Variants in FAT4 observed in about 807,000 individuals in gnomAD.
The protein encoded by FAT4 is FAT atypical cadherin 4.
In FAT4, 84 loss-of-function variants were observed where a neutral mutation model predicts 303.9. The observed-to-expected ratio is 0.28, with a 90% CI of 0.23 to 0.33. The LOEUF (loss-of-function observed/expected upper bound fraction) is 0.33. Ranked by LOEUF, FAT4 falls within the 10% of genes least tolerant of loss-of-function variation. The pLI is 1.00. For missense variants in FAT4, 6,005 were observed against 6,146.8 expected (o/e 0.98, Z 0.77); for synonymous variants, 2,307 against 2,298.8 (o/e 1.00, Z -0.10).
In FAT4 at chr4:125,406,995, C is replaced by A; in HGVS notation, c.5423C>A (p.Ser1808Tyr). Reference protein sequence around the residue: ...ATRRLDRERRSKYSLLVRADD... With the variant: ...ATRRLDRERRYKYSLLVRADD... Reference sequence around the variant, plus strand: ...AGGCGGTTGGACAGGGAACGCCGCTCCAAATATTCACTGCTAGTTCGTGCT... The same window carrying A: ...AGGCGGTTGGACAGGGAACGCCGCTACAAATATTCACTGCTAGTTCGTGCT... The change falls in exon 4 of 18, where the codon TCC becomes TAC. Residue 1808 changes from serine to tyrosine, a missense_variant. By Grantham distance (144) the Ser-to-Tyr change is moderately radical. Transcript: ENST00000394329. The A allele has an allele frequency of 6.2e-7, 1 of 1,613,816 alleles. No individual in the cohort carries two copies. Among genetic ancestry groups the A allele is most frequent in the Non-Finnish European group, 8.5e-7 (1 of 1,179,872 alleles).
At chr4:125,350,199 T>C (rs1361185961) in intron 2 of FAT4, among the ~76,000 whole-genome samples, 1 of 148,792 alleles carries the variant, frequency 6.7e-6, no homozygotes, top group East Asian at 1.9e-4. Context: ...GCCAGTTGGA[T>C]GCCAAAGTAA....
chr4:125,324,055 C>T (rs1199726456), intron 2 of FAT4, among the ~76,000 whole-genome samples: 1 of 152,154 alleles, frequency 6.6e-6, no homozygotes, highest in African/African-American at 2.4e-5. Context: ...TACACCTTTA[C>T]TTACGCTACT....
chr4:125,451,297 T>C lies in FAT4; in HGVS notation c.10287T>C (p.Ser3429=). ...TAGGAACTCATGTGACCTTTGTCAGTGCCTTTGACTCAGACTCCATCCCCA... is the reference window on the plus strand; with the variant it reads ...TAGGAACTCATGTGACCTTTGTCAGCGCCTTTGACTCAGACTCCATCCCCA... ...VPIGTHVTFV[S]AFDSDSIPSW... The change falls in exon 10 of 18, where the codon AGT becomes AGC. Residue 3429 remains serine (S), a synonymous_variant. Coordinates refer to ENST00000394329, the MANE Select transcript of FAT4 (RefSeq NM_001291303.3). The C allele has an allele frequency of 6.2e-7, 1 of 1,614,162 alleles. No individual in the cohort carries two copies. Among genetic ancestry groups the C allele is most frequent in the Non-Finnish European group, 8.5e-7 (1 of 1,180,014 alleles).
At chr4:125,381,110 A>T (rs924492704) in intron 2 of FAT4, among the ~76,000 whole-genome samples, 1 of 152,232 alleles carries the variant, frequency 6.6e-6, no homozygotes, top group Admixed American at 6.5e-5. Flanking sequence ...CATTCTTAGT[A>T]TTAACTGCAG....
At position 125,317,698 on chromosome 4, in the gene FAT4, G is replaced by A. The variant is rs1346387566; in HGVS notation, c.1287G>A (p.Glu429=). 4 of 1,614,096 alleles carry A rather than the reference G, an allele frequency of 2.5e-6. No homozygotes were observed. In the Admixed American group the frequency reaches 6.7e-5, roughly 27 times the overall value. The change falls in exon 2 of 18, where the codon GAG becomes GAA. Residue 429 remains glutamate, a synonymous_variant. Transcript: ENST00000394329. The surrounding 1 kb of genome is among the most constrained non-coding windows in gnomAD (Gnocchi z 7.0). ...AGGTGGCCAGCGCCTTGGACCGCGA[G>A]CGCATCCCTTCCTACAACCTCACAG... is the stretch of plus-strand genomic sequence containing the variant. ...LIKVASALDR[E]RIPSYNLTVS...
chr4:125,325,919 G>C (rs918127741), intron 2 of FAT4, among the ~76,000 whole-genome samples: 1 of 152,080 alleles, frequency 6.6e-6, no homozygotes, highest in African/African-American at 2.4e-5. Flanking sequence ...AGTGAACAAA[G>C]GCAGAGGATG....
intron 2 of FAT4, 48 bp downstream of exon 2, chr4:125,321,634 A>C (rs1730957988): frequency 2.7e-6 from 4 of 1,507,508 alleles, no homozygotes; most frequent in Non-Finnish European, 3.6e-6. Flanking sequence ...CTTTTTAGAA[A>C]AATCATTCTC....
rs1734984166 is a variant in FAT4, at chr4:125,414,942, T to A, written c.5979T>A (p.Thr1993=). Residue 1993 remains threonine, a synonymous_variant, in exon 6 of 18, where the codon ACT becomes ACA. Coordinates refer to ENST00000394329, the MANE Select transcript of FAT4 (RefSeq NM_001291303.3). ...CAGGTGATAGCCTTGGGCAGTTTACTGTTGACAAGAATGGTGTACTCAAAG... is the reference window on the plus strand; with the variant it reads ...CAGGTGATAGCCTTGGGCAGTTTACAGTTGACAAGAATGGTGTACTCAAAG... ...IASGDSLGQF[T]VDKNGVLKVL... The A allele has an allele frequency of 1.2e-6, 2 of 1,613,570 alleles. No individual in the cohort carries two copies. Among genetic ancestry groups the A allele is most frequent in the Admixed American group, 1.7e-5 (1 of 59,986 alleles).
rs113373843 is a variant in FAT4, at chr4:125,409,439, A to G, written c.5920+645A>G. Reference sequence around the variant, plus strand: ...GCCTGGCTAATTTTGTATTTTTAGTAGAGACGGGGTTTCTCCATGTTGGTC... The same window carrying G: ...GCCTGGCTAATTTTGTATTTTTAGTGGAGACGGGGTTTCTCCATGTTGGTC... On this transcript the variant is annotated intron_variant, in intron 5 of 17. Transcript: ENST00000394329. Among the ~76,000 whole-genome samples the G allele has an allele frequency of 3.1e-3, 473 of 152,162 alleles. 2 individuals are homozygous for G. The highest frequency in any genetic ancestry group is 5.0e-3 in the Non-Finnish European group (337 of 68,002).
chr4:125,467,437 C>CATGG (rs1726705134), intron 11 of FAT4, among the ~76,000 whole-genome samples: 1 of 152,162 alleles, frequency 6.6e-6, no homozygotes, highest in South Asian at 2.1e-4. Context: ...GAGGTATTGG[C>CATGG]ATGGGTTAAT....
intron 8 of FAT4, 27 bp downstream of exon 8, chr4:125,434,452 T>C: frequency 1.2e-6 from 2 of 1,605,864 alleles, no homozygotes; most frequent in Admixed American, 1.7e-5. Context: ...TTGTAAAGTT[T>C]GTCTGTTTTC....
intron 2 of FAT4, among the ~76,000 whole-genome samples, chr4:125,396,017 A>G (rs1435158028): frequency 6.6e-6 from 1 of 152,182 alleles, no homozygotes; most frequent in Non-Finnish European, 1.5e-5. Context: ...TAAGTGATCC[A>G]GATTCCAGAT....
At chr4:125,462,072 TA>T (rs765895414) in intron 10 of FAT4, among the ~76,000 whole-genome samples, 3 of 151,948 alleles carry the variant, frequency 2.0e-5, no homozygotes, top group Non-Finnish European at 4.4e-5. Flanking sequence ...TGTTTTGCCT[TA>T]TAAGGAGGTT....
In FAT4 at chr4:125,471,895, C is replaced by CAAAAAAAAAAAAAA. The variant is rs60730341; in HGVS notation, c.12213+3095_12213+3108dup. ...TGAAACCCTGTCTCTACTAAAAATACAAAAAAAAAAAAAAAAAAAAAAAAA... is the reference window on the plus strand; with the variant it reads ...TGAAACCCTGTCTCTACTAAAAATACAAAAAAAAAAAAAAAAAAAAAAAAAAAAAAAAAAAAAAA... On this transcript the variant is annotated intron_variant, in intron 12 of 17. Transcript: ENST00000394329. 1.6e-3 allele frequency among the ~76,000 whole-genome samples: 90 copies of CAAAAAAAAAAAAAA among 56,120 alleles called. 9 individuals carry two copies. The highest frequency in any genetic ancestry group is 2.3e-3 in the South Asian group (2 of 872). The allele number at this position is 56,120 out of a possible 152,430, so 36.8% of individuals were successfully genotyped here. A position where few individuals can be genotyped will look rare whatever the true frequency, so the allele number is the denominator to read the frequency against.
At chr4:125,431,041 G>A (rs766828051) in intron 7 of FAT4, among the ~76,000 whole-genome samples, 1 of 109,454 alleles carries the variant, frequency 9.1e-6, no homozygotes, top group Admixed American at 9.5e-5. Flanking sequence ...CTACAGTAAT[G>A]TATCAACAGT....
chr4:125,416,736 G>A (rs1203814780), intron 7 of FAT4, 114 bp downstream of exon 7: 17 of 988,278 alleles, frequency 1.7e-5, no homozygotes, highest in Admixed American at 4.4e-5. Context: ...ACTTGAGGTC[G>A]GGAGTTCAAG....
At position 125,318,239 on chromosome 4, in the gene FAT4, G is replaced by A. The variant is rs374235705; in HGVS notation, c.1828G>A (p.Gly610Arg). 1.7e-5 allele frequency: 28 copies of A among 1,614,186 alleles called. No homozygotes were observed. The highest frequency in any genetic ancestry group is 9.9e-5 in the South Asian group (9 of 91,080). The change falls in exon 2 of 18, where the codon GGG (glycine) becomes AGG (arginine). Residue 610 changes from glycine (G) to arginine (R), a missense_variant. Transcript: ENST00000394329. ...ACTGTTGATGCTCAGGGCAACTGACGGGGACCTGGGTGACAACGGAACAGT... is the reference window on the plus strand; with the variant it reads ...ACTGTTGATGCTCAGGGCAACTGACAGGGACCTGGGTGACAACGGAACAGT... ...TELLMLRATD[G>R]DLGDNGTVRF...
In FAT4 at chr4:125,320,728, C is replaced by A. The variant is rs754845367; in HGVS notation, c.4317C>A (p.Val1439=). 6.2e-7 allele frequency: 1 copy of A among 1,614,130 alleles called. No homozygotes were observed. The change falls in exon 2 of 18, where the codon GTC becomes GTA. Residue 1439 remains valine, a synonymous_variant. Transcript: ENST00000394329. The part of the protein sequence containing the change: ...IVENIPIGTS[V]ISVTAHDPDA... ...AGAACATTCCCATCGGTACATCTGTCATTTCAGTGACTGCACATGACCCTG... is the reference window on the plus strand; with the variant it reads ...AGAACATTCCCATCGGTACATCTGTAATTTCAGTGACTGCACATGACCCTG...
Position 125,448,579 on chromosome 4 carries a change from C to T in FAT4, c.7569C>T (p.Ala2523=). 1 of 1,613,910 alleles carries T rather than the reference C, an allele frequency of 6.2e-7. No homozygotes were observed. The highest frequency in any genetic ancestry group is 1.1e-5 in the South Asian group (1 of 91,070). Residue 2523 remains alanine (A), a synonymous_variant, in exon 10 of 18, where the codon GCC becomes GCT. Transcript: ENST00000394329. ...EKFHIDPLRG[A]IMAAGPLNGA... The stretch of plus-strand genomic sequence containing the variant: ...TTCACATTGACCCACTGAGGGGAGC[C>T]ATTATGGCCGCCGGACCACTAAACG...
Sources: gnomAD v4.1 joint callset for allele counts (sites outside exome capture counted in the v4.1 genomes callset) on GRCh38, gnomAD v4.1.1 for gene constraint, Gnocchi (gnomAD v3.1) non-coding constraint, MANE v1.5 for transcripts, NCBI Gene and HGNC (gene_info 2026-07-23, HGNC 2026-07-21) for gene names.